Variants in SCAI observed in about 807,000 individuals in gnomAD.
SCAI encodes the protein protein SCAI.
Under a neutral mutation model 92.2 loss-of-function variants are expected in SCAI, and 24 were observed. That is an observed-to-expected ratio of 0.26 (90% CI 0.19 to 0.37). The LOEUF (loss-of-function observed/expected upper bound fraction) is 0.37, where lower values mean the gene tolerates loss of function less well. Among genes scored for constraint, SCAI ranks in the 10% least tolerant of loss-of-function variants. The probability of loss-of-function intolerance (pLI) is 1.00; values close to 1 mark genes in which losing one functional copy is unlikely to be tolerated. For synonymous variants in SCAI, 261 were observed against 258.6 expected (o/e 1.01, Z -0.09); for missense variants, 450 against 736.2 (o/e 0.61, Z 4.50).
At chr9:124,965,948 C>T (rs546403453) in intron 17 of SCAI, among the ~76,000 whole-genome samples, 1 of 152,284 alleles carries the variant, frequency 6.6e-6, no homozygotes, top group Admixed American at 6.5e-5. Flanking sequence ...ACTGGAGAGA[C>T]AAACTGCTCA....
intron 2 of SCAI, among the ~76,000 whole-genome samples, chr9:125,071,310 G>A (rs1363458322): frequency 6.6e-6 from 1 of 152,140 alleles, no homozygotes; most frequent in Admixed American, 6.5e-5. Flanking sequence ...GAGGTGGAAG[G>A]ATCACTTGAG....
intron 5 of SCAI, 152 bp downstream of exon 5, chr9:125,028,240 C>A: frequency 3.9e-6 from 2 of 517,204 alleles, no homozygotes; most frequent in South Asian, 2.5e-5. Flanking sequence ...TATTGCACAA[C>A]ATTGTCTTGA....
chr9:124,988,362 T>C (rs1440855993), intron 14 of SCAI, among the ~76,000 whole-genome samples: 7 of 151,650 alleles, frequency 4.6e-5, no homozygotes, highest in Admixed American at 4.0e-4. Flanking sequence ...AAGTCTCTAA[T>C]GAGAAAGACA....
At chr9:125,121,352 CAAAG>C (rs1396148520) in intron 2 of SCAI, among the ~76,000 whole-genome samples, 2 of 150,010 alleles carry the variant, frequency 1.3e-5, no homozygotes, top group Non-Finnish European at 3.0e-5. Flanking sequence ...AAAAGAAAGA[CAAAG>C]AAAAGTAGTG....
chr9:125,120,412 G>A (rs1376541663), intron 2 of SCAI, among the ~76,000 whole-genome samples: 3 of 152,278 alleles, frequency 2.0e-5, no homozygotes, highest in South Asian at 4.1e-4. Flanking sequence ...AGGAGGAAGA[G>A]CCAGGCGCAG....
intron 2 of SCAI, among the ~76,000 whole-genome samples, chr9:125,119,327 C>A (rs1301404967): frequency 6.6e-6 from 1 of 152,160 alleles, no homozygotes; most frequent in Non-Finnish European, 1.5e-5. Context: ...GAAGTCACTG[C>A]TTATTAACAT....
At chr9:125,063,400 A>T (rs568954687) in intron 2 of SCAI, among the ~76,000 whole-genome samples, 16 of 151,832 alleles carry the variant, frequency 1.1e-4, no homozygotes, top group East Asian at 1.9e-4. Context: ...AAAAAAAAAA[A>T]GAATGAATAT....
At chr9:125,035,320 G>A (rs1305176704) in intron 3 of SCAI, among the ~76,000 whole-genome samples, 1 of 151,780 alleles carries the variant, frequency 6.6e-6, no homozygotes, top group Non-Finnish European at 1.5e-5. Flanking sequence ...ATACCACTGC[G>A]CTCCAGCCTG....
At chr9:125,015,404 T>C (rs1348327028) in intron 9 of SCAI, among the ~76,000 whole-genome samples, 1 of 152,160 alleles carries the variant, frequency 6.6e-6, no homozygotes, top group Non-Finnish European at 1.5e-5. Context: ...AAAGAAGACA[T>C]TTATGCAGCC....
intron 12 of SCAI, among the ~76,000 whole-genome samples, chr9:125,000,255 C>A (rs954629228): frequency 2.0e-5 from 3 of 152,130 alleles, no homozygotes; most frequent in Non-Finnish European, 4.4e-5. Flanking sequence ...GACTCTATGG[C>A]ATCATTATTC....
At chr9:124,963,663 T>A (rs1428726147) in intron 17 of SCAI, among the ~76,000 whole-genome samples, 1 of 144,132 alleles carries the variant, frequency 6.9e-6, no homozygotes, top group Non-Finnish European at 1.5e-5. Context: ...GGCAGAATAA[T>A]CTCTTGAACC....
At chr9:125,085,405 T>C (rs959007184) in intron 2 of SCAI, among the ~76,000 whole-genome samples, 13 of 152,094 alleles carry the variant, frequency 8.5e-5, no homozygotes, top group Admixed American at 1.3e-4. Flanking sequence ...GAGAATCACT[T>C]GAACCCAAAG....
At chr9:125,123,869 C>T (rs915568768) in intron 2 of SCAI, among the ~76,000 whole-genome samples, 1 of 152,220 alleles carries the variant, frequency 6.6e-6, no homozygotes, top group East Asian at 1.9e-4. Context: ...ATGCACTCCC[C>T]GTCTAGAAAA....
At chr9:125,049,083 T>C (rs983647532) in intron 3 of SCAI, among the ~76,000 whole-genome samples, 35 of 152,088 alleles carry the variant, frequency 2.3e-4, no homozygotes, top group African/African-American at 8.5e-4. Context: ...GTAATTATTT[T>C]CATTTAAGAC....
rs1426796106 is a variant in SCAI at position 125,003,170 on chromosome 9, G to A, written c.1009C>T (p.Leu337=). Residue 337 remains leucine (L), a synonymous_variant, in exon 11 of 18, where the codon CTG becomes TTG. Coordinates refer to ENST00000336505, the MANE Select transcript of SCAI (RefSeq NM_001144877.3). ...PTRRENPHKY[L]LYKPTFSQLY... ...TGGCTGAAGGTTGGTTTGTAGAGCAGATACTTGTGGGGGTTTTCTCGTCTA... is the reference window on the plus strand; with the variant it reads ...TGGCTGAAGGTTGGTTTGTAGAGCAAATACTTGTGGGGGTTTTCTCGTCTA... 6.2e-7 allele frequency: 1 copy of A among 1,614,064 alleles called. No individual in the cohort carries two copies. The highest frequency in any genetic ancestry group is 1.1e-5 in the South Asian group (1 of 91,080).
At chr9:125,041,394 A>G (rs940656390) in intron 3 of SCAI, among the ~76,000 whole-genome samples, 3 of 152,210 alleles carry the variant, frequency 2.0e-5, no homozygotes, top group African/African-American at 7.2e-5. Flanking sequence ...TATTATGTAC[A>G]AGCATTTGTC....
intron 2 of SCAI, among the ~76,000 whole-genome samples, chr9:125,062,144 G>C (rs74531257): frequency 6.7e-6 from 1 of 149,968 alleles, no homozygotes; most frequent in Non-Finnish European, 1.5e-5. Context: ...TTTTTTTTTG[G>C]AGACAGGGTC....
chr9:125,034,461 T>A (rs188280456), intron 3 of SCAI, among the ~76,000 whole-genome samples: 5 of 152,030 alleles, frequency 3.3e-5, no homozygotes, highest in African/African-American at 1.2e-4. Flanking sequence ...CAGGGCAGGG[T>A]ACAGCAGTTC....
rs117736938 is a variant in SCAI at position 125,125,590 on chromosome 9, A to T, written c.98+17043T>A. ...TTTAATCAAAAGATATCTGCTTCTT[A>T]AGGCCAAGGTGGGTGAATCACCTAA... On this transcript the variant is annotated intron_variant, in intron 2 of 17. Coordinates refer to ENST00000336505, the MANE Select transcript of SCAI (RefSeq NM_001144877.3). 9.2e-5 allele frequency among the ~76,000 whole-genome samples: 14 copies of T among 151,836 alleles called. No homozygotes were observed. In the East Asian group the frequency reaches 2.7e-3, roughly 30 times the overall value.
Sources: allele counts gnomAD v4.1 joint callset (sites outside exome capture counted in the v4.1 genomes callset), GRCh38; gene constraint gnomAD v4.1.1; transcripts MANE v1.5; gene names NCBI Gene and HGNC (gene_info 2026-07-23, HGNC 2026-07-21).